Variants in MARCHF11 observed in about 807,000 individuals in gnomAD.
The protein encoded by MARCHF11 is membrane associated ring-CH-type finger 11.
Under a neutral mutation model 37.3 loss-of-function variants are expected in MARCHF11, and 29 were observed. The observed-to-expected ratio is 0.78, with a 90% CI of 0.58 to 1.06. The LOEUF (loss-of-function observed/expected upper bound fraction) is 1.06. MARCHF11 is among the 50% of genes least tolerant of loss of function. The pLI is 0.00. For missense variants in MARCHF11, 482 were observed against 533.4 expected (o/e 0.90, Z 0.95); for synonymous variants, 233 against 228.0 (o/e 1.02, Z -0.20).
chr5:16,166,953 AACGTACAACG>A (rs1163619768), intron 2 of MARCHF11, among the ~76,000 whole-genome samples: 4 of 145,180 alleles, frequency 2.8e-5, no homozygotes, highest in Non-Finnish European at 4.5e-5. Context: ...GAGTGTGAGG[AACGTACAACG>A]ATGTTCATTT....
At chr5:16,082,875 C>G (rs990854684) in intron 3 of MARCHF11, among the ~76,000 whole-genome samples, 1 of 152,192 alleles carries the variant, frequency 6.6e-6, no homozygotes, top group East Asian at 1.9e-4. Context: ...CCTCCTATAA[C>G]TCGCCTGCCA....
At chr5:16,085,614 G>A (rs1736682447) in intron 3 of MARCHF11, among the ~76,000 whole-genome samples, 1 of 151,496 alleles carries the variant, frequency 6.6e-6, no homozygotes, top group Non-Finnish European at 1.5e-5. Context: ...AACTGATAAA[G>A]CCTTTTTAGT....
intron 2 of MARCHF11, among the ~76,000 whole-genome samples, chr5:16,136,153 G>C (rs1345267728): frequency 8.6e-5 from 13 of 152,020 alleles, no homozygotes. Context: ...GTTAGAGAAG[G>C]AGATTCTATA....
intron 2 of MARCHF11, among the ~76,000 whole-genome samples, chr5:16,167,829 T>C (rs547864118): frequency 6.6e-6 from 1 of 152,214 alleles, no homozygotes; most frequent in African/African-American, 2.4e-5. Context: ...CTCTTCGGCC[T>C]AGAACAGTGT....
chr5:16,158,824 G>A (rs2126602942), intron 2 of MARCHF11, among the ~76,000 whole-genome samples: 1 of 151,986 alleles, frequency 6.6e-6, no homozygotes, highest in Middle Eastern at 3.4e-3. Flanking sequence ...ATTAAGCCCA[G>A]CATGCATTCG....
At chr5:16,107,720 C>T (rs892362287) in intron 2 of MARCHF11, among the ~76,000 whole-genome samples, 1 of 151,934 alleles carries the variant, frequency 6.6e-6, no homozygotes, top group African/African-American at 2.4e-5. Context: ...CATATAAATA[C>T]CGAACCCCAG....
At chr5:16,152,133 T>G (rs1476572574) in intron 2 of MARCHF11, among the ~76,000 whole-genome samples, 1 of 151,974 alleles carries the variant, frequency 6.6e-6, no homozygotes, top group Non-Finnish European at 1.5e-5. Context: ...TATTTCTATT[T>G]TACTCTCAGT....
chr5:16,179,592 C>T lies in MARCHF11; in HGVS notation c.-17G>A, dbSNP rs1375559245. ...AAAGCTCATGGTTGTGCCGCCGCCG[C>T]CCTCCTGCCGGCCCGGCTGGCGGGC... On this transcript the variant is annotated 5_prime_UTR_variant, in exon 1 of 4. Transcript: ENST00000332432. The T allele has an allele frequency of 8.5e-7, 1 of 1,178,844 alleles. No homozygotes were observed. Among genetic ancestry groups the T allele is most frequent in the African/African-American group, 1.6e-5 (1 of 62,138 alleles). The allele number at this position is 1,178,844 out of a possible 1,614,324, so 73.0% of individuals were successfully genotyped here.
intron 2 of MARCHF11, among the ~76,000 whole-genome samples, chr5:16,105,551 G>A (rs915540947): frequency 3.3e-5 from 5 of 152,136 alleles, no homozygotes; most frequent in Non-Finnish European, 7.3e-5. Context: ...GCCAAGCCAG[G>A]CAGAAATGTA....
At chr5:16,096,512 T>C (rs897957241) in intron 2 of MARCHF11, among the ~76,000 whole-genome samples, 12 of 152,166 alleles carry the variant, frequency 7.9e-5, no homozygotes, top group Non-Finnish European at 1.6e-4. Flanking sequence ...TTGGGTATCT[T>C]TGTGTGGGAG....
intron 2 of MARCHF11, among the ~76,000 whole-genome samples, chr5:16,159,772 G>A (rs1738041106): frequency 6.6e-6 from 1 of 151,862 alleles, no homozygotes; most frequent in South Asian, 2.1e-4. Flanking sequence ...TGATCCTCAG[G>A]AGATGGTCGG....
chr5:16,132,488 GT>G (rs1381605925), intron 2 of MARCHF11, among the ~76,000 whole-genome samples: 1 of 152,180 alleles, frequency 6.6e-6, no homozygotes, highest in Non-Finnish European at 1.5e-5. Context: ...ATGATGGACA[GT>G]TTGTACACGG....
chr5:16,104,858 C>G (rs116417119), intron 2 of MARCHF11, among the ~76,000 whole-genome samples: 1 of 152,070 alleles, frequency 6.6e-6, no homozygotes, highest in Non-Finnish European at 1.5e-5. Flanking sequence ...ATTTTCCTCA[C>G]CTTTAAAATT....
intron 2 of MARCHF11, among the ~76,000 whole-genome samples, chr5:16,123,982 T>G (rs1737357923): frequency 6.6e-6 from 1 of 151,468 alleles, no homozygotes; most frequent in Non-Finnish European, 1.5e-5. Flanking sequence ...GCACACTACC[T>G]TCCTCCAAAA....
chr5:16,079,175 T>C (rs1736566924), intron 3 of MARCHF11, among the ~76,000 whole-genome samples: 1 of 152,164 alleles, frequency 6.6e-6, no homozygotes, highest in Non-Finnish European at 1.5e-5. Context: ...CTATTCATCC[T>C]TTGCCCCAGC....
chr5:16,166,317 T>C (rs1436564219), intron 2 of MARCHF11, among the ~76,000 whole-genome samples: 1 of 151,986 alleles, frequency 6.6e-6, no homozygotes, highest in East Asian at 1.9e-4. Flanking sequence ...CTCACTCAGG[T>C]GCCACTAATA....
At chr5:16,161,041 T>C (rs76325529) in intron 2 of MARCHF11, among the ~76,000 whole-genome samples, 6,633 of 152,022 alleles carry the variant, frequency 0.044, 515 homozygotes, top group African/African-American at 0.15. Flanking sequence ...GTTTTAAACT[T>C]TTTTTAAATT....
At chr5:16,168,497 T>C (rs962734935) in intron 2 of MARCHF11, among the ~76,000 whole-genome samples, 1 of 152,144 alleles carries the variant, frequency 6.6e-6, no homozygotes, top group Non-Finnish European at 1.5e-5. Context: ...GATGGTAGTA[T>C]GACTGAGAGA....
At chr5:16,107,838 C>T (rs2126568003) in intron 2 of MARCHF11, among the ~76,000 whole-genome samples, 1 of 149,978 alleles carries the variant, frequency 6.7e-6, no homozygotes, top group East Asian at 2.0e-4. Flanking sequence ...AGGAGTTTGG[C>T]TGGGGGTGGT....
Sources: allele counts gnomAD v4.1 joint callset (sites outside exome capture counted in the v4.1 genomes callset), GRCh38; gene constraint gnomAD v4.1.1; transcripts MANE v1.5; gene names NCBI Gene and HGNC (gene_info 2026-07-23, HGNC 2026-07-21).